DCC: variants seen among roughly 807,000 people sequenced by gnomAD.
DCC encodes the protein DCC netrin 1 receptor.
DCC carries 58 observed loss-of-function variants against 172.5 expected under a neutral mutation model. The observed-to-expected ratio is 0.34, with a 90% CI of 0.27 to 0.42. The LOEUF (loss-of-function observed/expected upper bound fraction) is 0.42. Among genes scored for constraint, DCC ranks in the 10% least tolerant of loss-of-function variants. The pLI is 1.00. For missense variants in DCC, 1,740 were observed against 1,791.0 expected (o/e 0.97, Z 0.51); for synonymous variants, 709 against 644.5 (o/e 1.10, Z -1.52).
chr18:52,399,234 T>C (rs1986346798), intron 1 of DCC, among the ~76,000 whole-genome samples: 1 of 151,918 alleles, frequency 6.6e-6, no homozygotes, highest in Non-Finnish European at 1.5e-5. Flanking sequence ...AAGGAGGAGT[T>C]TGAGGAAAAA....
rs2145149956 is a variant in DCC, at chr18:53,450,722, G to A, written c.3392+60G>A. 2.2e-6 allele frequency: 3 copies of A among 1,345,556 alleles called. No homozygotes were observed. In the South Asian group the frequency reaches 3.5e-5, roughly 16 times the overall value. The allele number at this position is 1,345,556 out of a possible 1,614,324, so 83.4% of individuals were successfully genotyped here. On this transcript the variant is annotated intron_variant, in intron 23 of 28. Coordinates refer to ENST00000442544, the MANE Select transcript of DCC (RefSeq NM_005215.4). ...CATTGTCTTTTGGGGTTATATTTTT[G>A]ATGGTCCTCTTTCTGCGTTCTTTCA... is the stretch of plus-strand genomic sequence containing the variant.
At chr18:52,820,011 C>A (rs62083308) in intron 2 of DCC, among the ~76,000 whole-genome samples, 2 of 152,068 alleles carry the variant, frequency 1.3e-5, no homozygotes, top group Non-Finnish European at 2.9e-5. Flanking sequence ...TGAGCCACCA[C>A]GCCCAGCCAA....
chr18:53,361,804 A>C (rs2057951260), intron 15 of DCC, among the ~76,000 whole-genome samples: 1 of 149,884 alleles, frequency 6.7e-6, no homozygotes, highest in Admixed American at 6.7e-5. Flanking sequence ...AGAGAAAAGC[A>C]TATTTACAGC....
chr18:52,680,797 A>G (rs16920), intron 1 of DCC, among the ~76,000 whole-genome samples: 26,409 of 152,020 alleles, frequency 0.17, 2,594 homozygotes, highest in Admixed American at 0.26. Flanking sequence ...AAAGGAAAAA[A>G]TCTCTTCTTA....
intron 5 of DCC, among the ~76,000 whole-genome samples, chr18:53,033,398 C>T (rs891918800): frequency 1.3e-4 from 20 of 152,152 alleles, no homozygotes; most frequent in Admixed American, 1.3e-3. Context: ...GACTCTTTCG[C>T]AATGTTTCCT....
intron 1 of DCC, among the ~76,000 whole-genome samples, chr18:52,386,457 A>G (rs540431877): frequency 6.6e-5 from 10 of 152,204 alleles, no homozygotes; most frequent in African/African-American, 2.4e-4. Flanking sequence ...TTTCTTGAGT[A>G]ATATTTCCCT....
intron 5 of DCC, among the ~76,000 whole-genome samples, chr18:53,015,654 A>G (rs754078514): frequency 6.6e-6 from 1 of 152,166 alleles, no homozygotes; most frequent in Non-Finnish European, 1.5e-5. Context: ...TGTTTTTTAA[A>G]TAAAATGGTA....
chr18:53,081,009 T>C (rs2042792227), intron 7 of DCC, among the ~76,000 whole-genome samples: 1 of 151,962 alleles, frequency 6.6e-6, no homozygotes, highest in Non-Finnish European at 1.5e-5. Context: ...AGTTAAAGGG[T>C]TATGCATTAA....
At chr18:53,456,215 T>C (rs1305249481) in intron 23 of DCC, among the ~76,000 whole-genome samples, 1 of 152,154 alleles carries the variant, frequency 6.6e-6, no homozygotes, top group Non-Finnish European at 1.5e-5. Context: ...AATAAGTCAT[T>C]TGCAAGTTAG....
rs541974552 is a variant in DCC at position 53,190,878 on chromosome 18, G to A, written c.1573+11762G>A. On this transcript the variant is annotated intron_variant, in intron 9 of 28. Coordinates refer to ENST00000442544, the MANE Select transcript of DCC (RefSeq NM_005215.4). ...GGAGAATGGCGTGAACCTGGGAGGC[G>A]GAGCTTGCAGTGAGCCGAGATCGCG... Among the ~76,000 whole-genome samples the A allele has an allele frequency of 9.2e-5, 14 of 152,234 alleles. No homozygotes were observed. In the South Asian group the frequency reaches 2.9e-3, roughly 32 times the overall value.
intron 6 of DCC, among the ~76,000 whole-genome samples, chr18:53,065,218 A>G (rs766083498): frequency 2.0e-5 from 3 of 152,198 alleles, no homozygotes; most frequent in Non-Finnish European, 4.4e-5. Context: ...ACTAAAAACA[A>G]TTAAGAATTC....
chr18:53,517,561 C>T (rs1047194526), intron 27 of DCC, among the ~76,000 whole-genome samples: 2 of 152,012 alleles, frequency 1.3e-5, no homozygotes, highest in African/African-American at 2.4e-5. Context: ...AGTACCTTAA[C>T]CCTCTCGTCT....
chr18:53,105,246 A>G (rs940686704), intron 7 of DCC, among the ~76,000 whole-genome samples: 1 of 152,008 alleles, frequency 6.6e-6, no homozygotes, highest in Non-Finnish European at 1.5e-5. Flanking sequence ...AGATTTCCTT[A>G]ATAAAGAAAG....
chr18:53,031,365 A>T lies in DCC; in HGVS notation c.986-31940A>T, dbSNP rs116452473. On this transcript the variant is annotated intron_variant, in intron 5 of 28. Coordinates refer to ENST00000442544, the MANE Select transcript of DCC (RefSeq NM_005215.4). Reference sequence around the variant, plus strand: ...GCAGTCTTGTTGCATTGTAAATTAGAGTTCCTCATCTTTTCTGATTAAAAT... The same window carrying T: ...GCAGTCTTGTTGCATTGTAAATTAGTGTTCCTCATCTTTTCTGATTAAAAT... Among the ~76,000 whole-genome samples the T allele has an allele frequency of 7.1e-3, 1,088 of 152,298 alleles. 10 individuals are homozygous for T. The highest frequency in any genetic ancestry group is 0.025 in the African/African-American group (1,042 of 41,564).
At chr18:53,063,540 A>AC in intron 6 of DCC, 81 bp downstream of exon 6, 1 of 1,230,072 alleles carries the variant, frequency 8.1e-7, no homozygotes, top group Non-Finnish European at 1.2e-6. Flanking sequence ...TTCTTGAAAA[A>AC]AAAAAAGGTT....
At chr18:53,186,377 G>A (rs7238728) in intron 9 of DCC, among the ~76,000 whole-genome samples, 18,797 of 152,112 alleles carry the variant, frequency 0.12, 1,408 homozygotes, top group African/African-American at 0.21. Context: ...ACGTGAAAGC[G>A]GTTGGTTTGC....
chr18:52,789,398 G>C (rs1412700528), intron 2 of DCC, among the ~76,000 whole-genome samples: 1 of 152,136 alleles, frequency 6.6e-6, no homozygotes, highest in African/African-American at 2.4e-5. Flanking sequence ...TCAGTTGACT[G>C]AGAAGAAAAG....
intron 1 of DCC, among the ~76,000 whole-genome samples, chr18:52,594,092 A>C (rs1006200485): frequency 6.6e-6 from 1 of 152,018 alleles, no homozygotes; most frequent in Admixed American, 6.6e-5. Flanking sequence ...CTATTCTTTT[A>C]CTCGGGATTT....
intron 25 of DCC, among the ~76,000 whole-genome samples, chr18:53,468,241 T>C (rs2045647771): frequency 6.6e-6 from 1 of 151,806 alleles, no homozygotes; most frequent in Admixed American, 6.6e-5. Flanking sequence ...GATGGATATA[T>C]ATTTAAGAAA....
Sources: gnomAD v4.1 joint callset for allele counts (sites outside exome capture counted in the v4.1 genomes callset) on GRCh38, gnomAD v4.1.1 for gene constraint, MANE v1.5 for transcripts, NCBI Gene and HGNC (gene_info 2026-07-23, HGNC 2026-07-21) for gene names.